The following PCDHA13 variants were observed in gnomAD, a reference collection of about 807,000 sequenced individuals.
PCDHA13 encodes the protein protocadherin alpha-13.
In PCDHA13, 54 loss-of-function variants were observed where a neutral mutation model predicts 64.8. The observed-to-expected ratio is 0.83, with a 90% CI of 0.67 to 1.04. The LOEUF is 1.04. Among genes scored for constraint, PCDHA13 ranks in the 50% least tolerant of loss-of-function variants. PCDHA13 has a pLI of 0.00. For missense variants in PCDHA13, 1,248 were observed against 1,254.3 expected (o/e 0.99, Z 0.08); for synonymous variants, 587 against 564.4 (o/e 1.04, Z -0.57).
At chr5:140,928,000 G>T (rs2084855141) in intron 1 of PCDHA13, 1 of 1,614,166 alleles carries the variant, frequency 6.2e-7, no homozygotes, top group Non-Finnish European at 8.5e-7. Context: ...TGAAGACCTC[G>T]ATTCTAATGG....
chr5:140,933,539 G>A (rs1173969458), intron 1 of PCDHA13, among the ~76,000 whole-genome samples: 1 of 152,018 alleles, frequency 6.6e-6, no homozygotes, highest in Non-Finnish European at 1.5e-5. Flanking sequence ...TCAAAATAAT[G>A]TTAATATAAA....
chr5:140,973,929 T>C (rs2096608226), intron 1 of PCDHA13, among the ~76,000 whole-genome samples: 1 of 152,216 alleles, frequency 6.6e-6, no homozygotes, highest in Non-Finnish European at 1.5e-5. Flanking sequence ...AACCCAGAGG[T>C]TTAGCTGAAT....
intron 1 of PCDHA13, among the ~76,000 whole-genome samples, chr5:140,904,620 A>T (rs1419190047): frequency 6.6e-6 from 1 of 151,986 alleles, no homozygotes; most frequent in Non-Finnish European, 1.5e-5. Flanking sequence ...TTTTACTTTT[A>T]GTTCTTTAAG....
intron 3 of PCDHA13, among the ~76,000 whole-genome samples, chr5:141,005,531 G>A (rs1441846175): frequency 1.3e-5 from 2 of 151,072 alleles, no homozygotes; most frequent in African/African-American, 4.9e-5. Context: ...GTGAAACCCC[G>A]TCTCTACTAA....
rs1458440894 is a variant in PCDHA13 at position 140,882,676 on chromosome 5, C to T, written c.408C>T (p.Ser136=). 18 of 1,614,060 alleles carry T rather than the reference C, an allele frequency of 1.1e-5. No homozygotes were observed. The highest frequency in any genetic ancestry group is 3.3e-5 in the Admixed American group (2 of 60,010). Residue 136 remains serine, a synonymous_variant, in exon 1 of 4, where the codon AGC becomes AGT. Transcript: ENST00000289272. ...INDNPPIFPE[S]KKRIIIAESR... The stretch of plus-strand genomic sequence containing the variant: ...ACAACCCGCCCATATTCCCTGAAAG[C>T]AAGAAACGAATAATCATTGCAGAAT...
Position 141,007,689 on chromosome 5 carries a change from A to G in PCDHA13, c.2543-1938A>G, listed in dbSNP as rs545850175. Among the ~76,000 whole-genome samples the G allele has an allele frequency of 3.5e-4, 53 of 152,196 alleles. 1 individual carries two copies. Among genetic ancestry groups the G allele is most frequent in the African/African-American group, 1.3e-3 (52 of 41,536 alleles). On this transcript the variant is annotated intron_variant, in intron 3 of 3. Coordinates refer to ENST00000289272, the MANE Select transcript of PCDHA13 (RefSeq NM_018904.3). ...CAAAGACAAAAGTTATCCTACTTCC[A>G]CCTCCCTCCTCTGCCTCCCACCACC...
At chr5:140,966,522 G>A (rs1350046535) in intron 1 of PCDHA13, 2 of 437,040 alleles carry the variant, frequency 4.6e-6, no homozygotes, top group Non-Finnish European at 7.9e-6. Flanking sequence ...GCAGGAAGCC[G>A]AGCCGGGTTG....
intron 1 of PCDHA13, among the ~76,000 whole-genome samples, chr5:140,933,053 G>C (rs2088831256): frequency 6.6e-6 from 1 of 151,948 alleles, no homozygotes; most frequent in Non-Finnish European, 1.5e-5. Flanking sequence ...TTACAGTCCA[G>C]GATCCTGACT....
At chr5:141,003,432 C>T (rs1175854943) in intron 3 of PCDHA13, among the ~76,000 whole-genome samples, 1 of 152,124 alleles carries the variant, frequency 6.6e-6, no homozygotes, top group African/African-American at 2.4e-5. Context: ...ATGCCTCAGC[C>T]TCCCAAGTAG....
chr5:140,884,128 C>A lies in PCDHA13; in HGVS notation c.1860C>A (p.Ile620=), dbSNP rs1554181251. ...ELQLAAVGAR[I]PFRVGLYTGE... Reference sequence around the variant, plus strand: ...AGCTGGCGGCGGTCGGCGCGCGCATCCCGTTCCGCGTGGGGCTGTACACTG... The same window carrying A: ...AGCTGGCGGCGGTCGGCGCGCGCATACCGTTCCGCGTGGGGCTGTACACTG... The change falls in exon 1 of 4, where the codon ATC becomes ATA. Residue 620 remains isoleucine (I), a synonymous_variant. Coordinates refer to ENST00000289272, the MANE Select transcript of PCDHA13 (RefSeq NM_018904.3). The A allele has an allele frequency of 6.2e-7, 1 of 1,613,308 alleles. No homozygotes were observed. The highest frequency in any genetic ancestry group is 8.5e-7 in the Non-Finnish European group (1 of 1,179,744).
At chr5:140,942,544 G>A (rs546340510) in intron 1 of PCDHA13, among the ~76,000 whole-genome samples, 105 of 152,118 alleles carry the variant, frequency 6.9e-4, no homozygotes, top group African/African-American at 2.5e-3. Flanking sequence ...TATGGTGGGG[G>A]GTAGGGGGTT....
chr5:140,937,953 T>G (rs955302275), intron 1 of PCDHA13, among the ~76,000 whole-genome samples: 5 of 152,174 alleles, frequency 3.3e-5, no homozygotes, highest in South Asian at 2.1e-4. Flanking sequence ...TGGCTTTTGT[T>G]GAAAGTATAT....
chr5:140,917,327 G>C (rs1219338384), intron 1 of PCDHA13, among the ~76,000 whole-genome samples: 1 of 149,420 alleles, frequency 6.7e-6, no homozygotes, highest in African/African-American at 2.5e-5. Flanking sequence ...CATGTGGCGG[G>C]GGAGGGGGGG....
rs577838197 is a variant in PCDHA13, at chr5:140,982,551, A to G, written c.2530A>G (p.Ser844Gly). 28 of 1,614,198 alleles carry G rather than the reference A, an allele frequency of 1.7e-5. No individual in the cohort carries two copies. Among genetic ancestry groups the G allele is most frequent in the South Asian group, 1.2e-4 (11 of 91,088 alleles). The change falls in exon 3 of 4, where the codon AGT (serine) becomes GGT (glycine). Residue 844 changes from serine (S) to glycine (G), a missense_variant. Coordinates refer to ENST00000289272, the MANE Select transcript of PCDHA13 (RefSeq NM_018904.3). ...GPDQQWPTVS[S>G]ATPEPEAGEV... is the part of the protein sequence containing the mutation. ...TGATCAGCAGTGGCCAACAGTATCC[A>G]GTGCAACACCAGGTAAAGAGCTGGG... is the stretch of plus-strand genomic sequence containing the variant.
In PCDHA13 at chr5:140,966,763, G is replaced by A. The variant is rs1020607410; in HGVS notation, c.2395-12186G>A. 2.7e-6 allele frequency: 4 copies of A among 1,470,486 alleles called. No homozygotes were observed. The South Asian group carries it at 5.5e-5, about 20-fold the overall frequency. 91.1% of individuals were successfully genotyped at this position (1,470,486 alleles called of 1,614,324 possible). A position where few individuals can be genotyped will look rare whatever the true frequency, so the allele number is the denominator to read the frequency against. Reference sequence around the variant, plus strand: ...CCCGGCTGCCTCCGCCGCGGCCAGTGGCTATGGAGCAGGCGGGCACCAGAC... The same window carrying A: ...CCCGGCTGCCTCCGCCGCGGCCAGTAGCTATGGAGCAGGCGGGCACCAGAC... On this transcript the variant is annotated intron_variant, in intron 1 of 3. Transcript: ENST00000289272.
At chr5:140,994,753 G>T (rs143791883) in intron 3 of PCDHA13, among the ~76,000 whole-genome samples, 6 of 152,252 alleles carry the variant, frequency 3.9e-5, no homozygotes, top group Non-Finnish European at 7.3e-5. Context: ...AGTAGGATGT[G>T]GAGAGGAAGA....
chr5:140,883,722 A>G lies in PCDHA13; in HGVS notation c.1454A>G (p.Gln485Arg), dbSNP rs1249317360. The change falls in exon 1 of 4, where the codon CAG becomes CGG. Residue 485 changes from glutamine (Q) to arginine (R), a missense_variant. Transcript: ENST00000289272. Reference sequence around the variant, plus strand: ...GTGTCTGCTCAGGACGCGGACGCACAGGAGAACGCGCTGGTCTCCTACTCG... The same window carrying G: ...GTGTCTGCTCAGGACGCGGACGCACGGGAGAACGCGCTGGTCTCCTACTCG... Reference protein sequence around the residue: ...FTVSAQDADAQENALVSYSLV... With the variant: ...FTVSAQDADARENALVSYSLV... 6.2e-7 allele frequency: 1 copy of G among 1,613,546 alleles called. No homozygotes were observed. Among genetic ancestry groups the G allele is most frequent in the Non-Finnish European group, 8.5e-7 (1 of 1,179,824 alleles).
intron 3 of PCDHA13, among the ~76,000 whole-genome samples, chr5:140,990,733 A>G (rs2097410113): frequency 6.6e-6 from 1 of 152,198 alleles, no homozygotes; most frequent in Admixed American, 6.5e-5. Flanking sequence ...GTATATCAAC[A>G]GCCCTAGGGT....
intron 1 of PCDHA13, among the ~76,000 whole-genome samples, chr5:140,952,297 C>G (rs2094716383): frequency 6.7e-6 from 1 of 149,532 alleles, no homozygotes; most frequent in South Asian, 2.1e-4. Context: ...TTCTCACAGC[C>G]ATTTCACTCC....
Sources: gnomAD v4.1 joint callset for allele counts (sites outside exome capture counted in the v4.1 genomes callset) on GRCh38, gnomAD v4.1.1 for gene constraint, MANE v1.5 for transcripts, NCBI Gene and HGNC (gene_info 2026-07-23, HGNC 2026-07-21) for gene names.